ADGRL3: variants seen among roughly 807,000 people sequenced by gnomAD.
ADGRL3 encodes the protein calcium-independent alpha-latrotoxin receptor 3.
In ADGRL3, 62 loss-of-function variants were observed where a neutral mutation model predicts 153.5. The ratio of observed to expected loss-of-function variants is 0.40; its 90% confidence interval spans 0.33 to 0.50. The LOEUF (loss-of-function observed/expected upper bound fraction) is 0.50. Ranked by LOEUF, ADGRL3 falls within the 20% of genes least tolerant of loss-of-function variation. The pLI, the probability that ADGRL3 is intolerant of heterozygous loss-of-function variation, is 0.47. For synonymous variants in ADGRL3, 710 were observed against 672.5 expected, an observed-to-expected ratio of 1.06 and a Z score of -0.86; for missense variants, 1,641 against 1,859.4, an observed-to-expected ratio of 0.88 and a Z score of 2.16.
intron 8 of ADGRL3, among the ~76,000 whole-genome samples, chr4:61,771,720 C>A (rs568556922): frequency 6.6e-6 from 1 of 152,248 alleles, no homozygotes; most frequent in East Asian, 1.9e-4. Context: ...CACAACCACT[C>A]CCCACCACCT....
chr4:61,441,146 T>C (rs1039141749), intron 2 of ADGRL3, among the ~76,000 whole-genome samples: 3 of 152,234 alleles, frequency 2.0e-5, no homozygotes, highest in African/African-American at 7.2e-5. Flanking sequence ...ATTATCTTTT[T>C]CTTTCTTCTG....
chr4:61,568,974 A>G (rs1237291098), intron 4 of ADGRL3, among the ~76,000 whole-genome samples: 2 of 152,158 alleles, frequency 1.3e-5, no homozygotes, highest in African/African-American at 4.8e-5. Context: ...GAATCAGATG[A>G]GAATTATTTT....
intron 19 of ADGRL3, among the ~76,000 whole-genome samples, chr4:61,984,522 A>G (rs2099079009): frequency 6.6e-6 from 1 of 152,166 alleles, no homozygotes; most frequent in African/African-American, 2.4e-5. Flanking sequence ...AGCTGTGATC[A>G]TGCCACCTTA....
intron 3 of ADGRL3, among the ~76,000 whole-genome samples, chr4:61,505,816 T>A (rs909800828): frequency 6.8e-5 from 6 of 88,834 alleles, no homozygotes; most frequent in Non-Finnish European, 1.3e-4. Flanking sequence ...TCACATCACA[T>A]CTTTTAATAA....
intron 1 of ADGRL3, among the ~76,000 whole-genome samples, chr4:61,236,801 G>A (rs1000446178): frequency 3.9e-5 from 6 of 152,148 alleles, no homozygotes; most frequent in African/African-American, 7.2e-5. Flanking sequence ...TCGATAAAGC[G>A]AATTAGAGCT....
At chr4:61,665,219 T>G (rs1193238298) in intron 5 of ADGRL3, among the ~76,000 whole-genome samples, 1 of 152,140 alleles carries the variant, frequency 6.6e-6, no homozygotes, top group African/African-American at 2.4e-5. Flanking sequence ...AAGACCAGCC[T>G]GGCCACATGG....
intron 1 of ADGRL3, among the ~76,000 whole-genome samples, chr4:61,233,536 C>T (rs1291032159): frequency 6.6e-6 from 1 of 152,078 alleles, no homozygotes; most frequent in Non-Finnish European, 1.5e-5. Context: ...GTCGAGGAGG[C>T]TTCATTGAGA....
chr4:61,791,539 G>C (rs1261410267), intron 8 of ADGRL3, among the ~76,000 whole-genome samples: 1 of 152,168 alleles, frequency 6.6e-6, no homozygotes, highest in African/African-American at 2.4e-5. Flanking sequence ...GCTTTTTCCA[G>C]GTGCATGGTG....
intron 21 of ADGRL3, among the ~76,000 whole-genome samples, chr4:62,009,805 G>T (rs964915374): frequency 1.3e-5 from 2 of 152,254 alleles, no homozygotes; most frequent in African/African-American, 4.8e-5. Flanking sequence ...ACTTTAGGCA[G>T]CAGGTGCCAG....
In ADGRL3 at chr4:61,929,206, TTA is replaced by T. The variant is rs2098807068; in HGVS notation, c.2113-5633_2113-5632del. On this transcript the variant is annotated intron_variant, in intron 13 of 26. Transcript: ENST00000683033. ...TCATGAATGAATGGTACTAGTGCCC[TTA>T]CAAAGGAGGCCCGAGATAATTTGTT... Among the ~76,000 whole-genome samples, 5 of 152,060 alleles carry T rather than the reference TTA, an allele frequency of 3.3e-5. No individual in the cohort carries two copies. In the South Asian group the frequency reaches 1.0e-3, roughly 32 times the overall value.
At chr4:62,017,383 T>C (rs1405643143) in intron 21 of ADGRL3, among the ~76,000 whole-genome samples, 1 of 151,760 alleles carries the variant, frequency 6.6e-6, no homozygotes, top group Non-Finnish European at 1.5e-5. Flanking sequence ...TAAATTGTTT[T>C]GTATTTTCTT....
At chr4:61,393,011 C>G (rs1213199869) in intron 2 of ADGRL3, among the ~76,000 whole-genome samples, 1 of 151,844 alleles carries the variant, frequency 6.6e-6, no homozygotes, top group East Asian at 1.9e-4. Flanking sequence ...GAATGTGGTT[C>G]CTATTAGGAA....
intron 1 of ADGRL3, among the ~76,000 whole-genome samples, chr4:61,368,912 C>A (rs528482146): frequency 1.1e-4 from 17 of 152,036 alleles, no homozygotes; most frequent in African/African-American, 3.9e-4. Flanking sequence ...CCTTGAACAG[C>A]GATTTGTAGT....
chr4:61,899,233 A>G (rs2098649758), intron 11 of ADGRL3, among the ~76,000 whole-genome samples: 2 of 151,988 alleles, frequency 1.3e-5, no homozygotes, highest in South Asian at 4.1e-4. Context: ...TAATTCCTAT[A>G]TCACCATCTC....
chr4:62,009,852 C>T (rs1208857471), intron 21 of ADGRL3, among the ~76,000 whole-genome samples: 1 of 152,124 alleles, frequency 6.6e-6, no homozygotes, highest in South Asian at 2.1e-4. Context: ...GCTCAGGCCA[C>T]TACAAATTCA....
intron 9 of ADGRL3, among the ~76,000 whole-genome samples, chr4:61,856,931 C>T (rs1290471495): frequency 2.1e-5 from 3 of 146,260 alleles, no homozygotes; most frequent in Admixed American, 6.9e-5. Context: ...CCCGCCCTCC[C>T]TCCTCCCTCT....
chr4:61,750,534 G>T (rs2096741487), intron 8 of ADGRL3, among the ~76,000 whole-genome samples: 1 of 152,160 alleles, frequency 6.6e-6, no homozygotes, highest in African/African-American at 2.4e-5. Context: ...GCTCACGCCT[G>T]TAATCCCAGC....
rs949923055 is a variant in ADGRL3, at chr4:61,795,604, G to A, written c.1400-18205G>A. 1.4e-3 allele frequency among the ~76,000 whole-genome samples: 211 copies of A among 152,154 alleles called. 4 individuals carry two copies. Among genetic ancestry groups the A allele is most frequent in the East Asian group, 1.9e-4 (1 of 5,180 alleles). ...TAAAATATATATACATAAAGAAAAT[G>A]AGTCACTTTTCCAGCTTATCAACTA... On this transcript the variant is annotated intron_variant, in intron 8 of 26. Transcript: ENST00000683033.
At chr4:61,620,035 T>A (rs1227156135) in intron 5 of ADGRL3, among the ~76,000 whole-genome samples, 1 of 151,456 alleles carries the variant, frequency 6.6e-6, no homozygotes, top group African/African-American at 2.4e-5. Context: ...TTAAGTAATT[T>A]AGGATACTTT....
Sources: gnomAD v4.1 joint callset for allele counts (sites outside exome capture counted in the v4.1 genomes callset) on GRCh38, gnomAD v4.1.1 for gene constraint, MANE v1.5 for transcripts, NCBI Gene and HGNC (gene_info 2026-07-23, HGNC 2026-07-21) for gene names.